Variants in SMPX observed in about 807,000 individuals in gnomAD.
The protein encoded by SMPX is small muscle protein X-linked.
A neutral mutation model predicts 6.3 loss-of-function variants in SMPX; 2 were observed. The ratio of observed to expected loss-of-function variants is 0.32; its 90% CI spans 0.13 to 0.99. The LOEUF (loss-of-function observed/expected upper bound fraction) is 0.99. Ranked by LOEUF, SMPX falls within the 50% of genes least tolerant of loss-of-function variation. The probability of loss-of-function intolerance (pLI) is 0.49; values close to 1 mark genes in which losing one functional copy is unlikely to be tolerated. For synonymous variants in SMPX, 32 were observed against 24.7 expected, an observed-to-expected ratio of 1.30 and a Z score of -0.88; for missense variants, 60 against 66.8, an observed-to-expected ratio of 0.90 and a Z score of 0.36.
chrX:21,754,185 G>A (rs2092830309), intron 2 of SMPX, 61 bp downstream of exon 2: 1 of 999,824 alleles, frequency 1.0e-6, no homozygotes, highest in Non-Finnish European at 1.4e-6. Context: ...AGCTAGGAGT[G>A]AACAATCGCC....
intron 4 of SMPX, among the ~76,000 whole-genome samples, chrX:21,720,379 T>C (rs997551243): frequency 9.8e-5 from 11 of 112,239 alleles, no homozygotes; most frequent in Admixed American, 3.8e-4. Context: ...ATCCTGGAAG[T>C]AGATCCTTCA....
chrX:21,734,456 G>A (rs2092808356), intron 4 of SMPX, among the ~76,000 whole-genome samples: 1 of 111,632 alleles, frequency 9.0e-6, no homozygotes, highest in Non-Finnish European at 1.9e-5. Flanking sequence ...TGGAAGTATT[G>A]GAGGACACCT....
At chrX:21,736,114 C>T (rs1028096927) in intron 4 of SMPX, among the ~76,000 whole-genome samples, 1 of 112,266 alleles carries the variant, frequency 8.9e-6, no homozygotes, top group Non-Finnish European at 1.9e-5. Context: ...TAACTCAAAA[C>T]GGCTCCTCTC....
intron 4 of SMPX, among the ~76,000 whole-genome samples, chrX:21,730,776 T>C (rs2092802321): frequency 8.9e-6 from 1 of 112,232 alleles, no homozygotes; most frequent in South Asian, 3.7e-4. Context: ...AATCATTTTT[T>C]ATTTCCCAGT....
intron 1 of SMPX, among the ~76,000 whole-genome samples, chrX:21,755,693 T>G (rs1241138725): frequency 8.9e-6 from 1 of 112,335 alleles, no homozygotes; most frequent in East Asian, 2.8e-4. Flanking sequence ...GGCTCTATTA[T>G]GTGAAGTTAA....
At chrX:21,722,817 T>C (rs963508657) in intron 4 of SMPX, among the ~76,000 whole-genome samples, 9 of 111,372 alleles carry the variant, frequency 8.1e-5, no homozygotes, top group African/African-American at 2.9e-4. Flanking sequence ...CGGAAAGTCA[T>C]GTAACTTCTC....
At chrX:21,738,077 T>G (rs1044036791) in intron 3 of SMPX, among the ~76,000 whole-genome samples, 1 of 112,581 alleles carries the variant, frequency 8.9e-6, no homozygotes, top group Non-Finnish European at 1.9e-5. Flanking sequence ...ACAGCAAAGA[T>G]TTGTACAATG....
intron 3 of SMPX, among the ~76,000 whole-genome samples, chrX:21,738,023 C>A (rs2092812354): frequency 8.9e-6 from 1 of 112,409 alleles, no homozygotes; most frequent in African/African-American, 3.2e-5. Flanking sequence ...AAGCATCTTA[C>A]AAGATTGACT....
intron 1 of SMPX, among the ~76,000 whole-genome samples, chrX:21,755,492 G>T (rs2092831909): frequency 8.9e-6 from 1 of 112,449 alleles, no homozygotes; most frequent in Non-Finnish European, 1.9e-5. Flanking sequence ...CTTGTGAACT[G>T]TAAAGCATGA....
intron 4 of SMPX, among the ~76,000 whole-genome samples, chrX:21,731,784 GTGTGTATA>G (rs1350894469): frequency 7.0e-5 from 7 of 99,394 alleles, no homozygotes; most frequent in South Asian, 4.8e-4. Context: ...GTACACATTT[GTGTGTATA>G]TGTGTATATG....
chrX:21,749,998 A>G (rs1488423294), intron 2 of SMPX, among the ~76,000 whole-genome samples: 1 of 111,638 alleles, frequency 9.0e-6, no homozygotes, highest in Non-Finnish European at 1.9e-5. Flanking sequence ...CGGTGGAGAG[A>G]AAGGATCAGT....
At chrX:21,745,605 A>T (rs1326042731) in intron 2 of SMPX, among the ~76,000 whole-genome samples, 4 of 112,130 alleles carry the variant, frequency 3.6e-5, no homozygotes, top group Non-Finnish European at 7.5e-5. Context: ...CTCACAGAAG[A>T]TAATCCATAT....
At chrX:21,711,219 G>C (rs950408896) in intron 4 of SMPX, among the ~76,000 whole-genome samples, 5 of 111,884 alleles carry the variant, frequency 4.5e-5, no homozygotes, top group African/African-American at 1.3e-4. Context: ...CTCTGTGTCA[G>C]GGCTTGAATT....
intron 4 of SMPX, among the ~76,000 whole-genome samples, chrX:21,730,032 G>A (rs868115559): frequency 1.2e-4 from 13 of 112,285 alleles, no homozygotes; most frequent in African/African-American, 3.9e-4. Context: ...GTGAAGATCA[G>A]GAAGAATTTA....
intron 4 of SMPX, among the ~76,000 whole-genome samples, chrX:21,731,615 T>TATGTACACATTTGTGTATATGTGTAC (rs2092804591): frequency 3.0e-5 from 3 of 98,629 alleles, no homozygotes; most frequent in Admixed American, 2.1e-4. Context: ...TATATGTGTA[T>TATGTACACATTTGTGTATATGTGTAC]ATGTACACAT....
At chrX:21,728,791 A>G (rs1202600936) in intron 4 of SMPX, among the ~76,000 whole-genome samples, 2 of 112,414 alleles carry the variant, frequency 1.8e-5, no homozygotes, top group Admixed American at 1.9e-4. Context: ...AAGCTCTCTT[A>G]GCCTTCACTC....
At chrX:21,713,504 T>C in intron 4 of SMPX, among the ~76,000 whole-genome samples, 1 of 112,164 alleles carries the variant, frequency 8.9e-6, no homozygotes, top group Non-Finnish European at 1.9e-5. Flanking sequence ...CTCACAATCA[T>C]GGTGGAAGGC....
chrX:21,715,301 TGTGCGCGCACGCGC>T (rs2092783377), intron 4 of SMPX, among the ~76,000 whole-genome samples: 1 of 87,609 alleles, frequency 1.1e-5, no homozygotes, highest in Non-Finnish European at 2.1e-5. Flanking sequence ...TGTGTGTGTG[TGTGCGCGCACGCGC>T]GCGCGCTCGC....
intron 4 of SMPX, among the ~76,000 whole-genome samples, chrX:21,709,702 T>C (rs187679379): frequency 4.3e-4 from 48 of 112,014 alleles, no homozygotes; most frequent in African/African-American, 1.5e-3. Flanking sequence ...AATTCTGCCC[T>C]AGGTCCCAGC....
Sources: allele counts gnomAD v4.1 joint callset (sites outside exome capture counted in the v4.1 genomes callset), GRCh38; gene constraint gnomAD v4.1.1; transcripts MANE v1.5; gene names NCBI Gene and HGNC (gene_info 2026-07-23, HGNC 2026-07-21).